NRP2: variants seen among roughly 807,000 people sequenced by gnomAD.
NRP2 encodes the protein neuropilin 2.
In NRP2, 52 loss-of-function variants were observed where a neutral mutation model predicts 110.4. That is an observed-to-expected ratio of 0.47 (90% CI 0.38 to 0.59). The LOEUF is 0.59. Among genes scored for constraint, NRP2 ranks in the 20% least tolerant of loss-of-function variants. The probability of loss-of-function intolerance (pLI) is 0.00; values close to 1 mark genes in which losing one functional copy is unlikely to be tolerated. For synonymous variants in NRP2, 508 were observed against 468.9 expected, an observed-to-expected ratio of 1.08 and a Z score of -1.08; for missense variants, 1,049 against 1,203.0, an observed-to-expected ratio of 0.87 and a Z score of 1.89.
intron 7 of NRP2, among the ~76,000 whole-genome samples, chr2:205,734,728 T>C (rs543089493): frequency 2.6e-5 from 4 of 152,280 alleles, no homozygotes; most frequent in South Asian, 2.1e-4. Context: ...CTGTGCCAAG[T>C]ACATTGAAAG....
At chr2:205,742,606 A>T (rs2057463004) in intron 8 of NRP2, among the ~76,000 whole-genome samples, 1 of 152,240 alleles carries the variant, frequency 6.6e-6, no homozygotes, top group East Asian at 1.9e-4. Context: ...GATCCAAGGC[A>T]GTAAAGAGCA....
In NRP2 at chr2:205,683,375, A is replaced by C; in HGVS notation, c.73+12A>C. 6.2e-7 allele frequency: 1 copy of C among 1,604,838 alleles called. No individual in the cohort carries two copies. Among genetic ancestry groups the C allele is most frequent in the Non-Finnish European group, 8.5e-7 (1 of 1,171,600 alleles). ...GAGAGGCCAACCAGGTAAGCCACTG[A>C]AAGTTTTTCTATTTATTGCAACATG... On this transcript the variant is annotated intron_variant, in intron 1 of 16. Coordinates refer to ENST00000357785, the MANE Select transcript of NRP2 (RefSeq NM_003872.3).
intron 3 of NRP2, among the ~76,000 whole-genome samples, chr2:205,719,046 G>A (rs535577159): frequency 6.6e-6 from 1 of 152,066 alleles, no homozygotes; most frequent in Non-Finnish European, 1.5e-5. Flanking sequence ...CAGGTGCCTT[G>A]TCCTATACCC....
intron 15 of NRP2, among the ~76,000 whole-genome samples, chr2:205,770,676 C>T (rs144688504): frequency 5.3e-4 from 80 of 152,322 alleles, no homozygotes; most frequent in African/African-American, 1.9e-3. Flanking sequence ...TGCTTTTGCA[C>T]ATAACCGTCT....
In NRP2 at chr2:205,767,926, C is replaced by T. The variant is rs148728448; in HGVS notation, c.2425+1123C>T. On this transcript the variant is annotated intron_variant, in intron 15 of 16. Transcript: ENST00000357785. The stretch of plus-strand genomic sequence containing the variant: ...TAAGGGCAGCCATTTTTATATCTGC[C>T]GTCTAGACTCGTTATCTTCACTCTC... 275 of 152,928 alleles carry T rather than the reference C, an allele frequency of 1.8e-3. 3 individuals carry two copies. The South Asian group carries it at 0.021, about 11-fold the overall frequency. 9.5% of individuals were successfully genotyped at this position (152,928 alleles called of 1,614,324 possible). A position where few individuals can be genotyped will look rare whatever the true frequency, so the allele number is the denominator to read the frequency against.
intron 10 of NRP2, 81 bp from the exon 11 acceptor site, chr2:205,749,644 G>A: frequency 9.2e-7 from 1 of 1,087,184 alleles, no homozygotes; most frequent in Admixed American, 1.7e-5. Context: ...CCCTTCTCTA[G>A]AGATGTTTGG....
chr2:205,697,463 T>C, intron 1 of NRP2, 81 bp from the exon 2 acceptor site: 1 of 1,262,882 alleles, frequency 7.9e-7, no homozygotes. Flanking sequence ...CAGACACTGG[T>C]ACAGAAGAGA....
At position 205,714,677 on chromosome 2, in the gene NRP2, C is replaced by T. The variant is rs1337117048; in HGVS notation, c.252-1516C>T. On this transcript the variant is annotated intron_variant, in intron 2 of 16. Transcript: ENST00000357785. Reference sequence around the variant, plus strand: ...TCTGTGACCATCTCTCCATTTCTCCCTGGGGGTTGAAACTGCCATTTTGAC... The same window carrying T: ...TCTGTGACCATCTCTCCATTTCTCCTTGGGGGTTGAAACTGCCATTTTGAC... 2.0e-5 allele frequency among the ~76,000 whole-genome samples: 3 copies of T among 151,652 alleles called. No individual in the cohort carries two copies. In the East Asian group the frequency reaches 5.8e-4, roughly 29 times the overall value.
At chr2:205,723,045 C>A (rs985089959) in intron 4 of NRP2, among the ~76,000 whole-genome samples, 1 of 152,228 alleles carries the variant, frequency 6.6e-6, no homozygotes, top group African/African-American at 2.4e-5. Flanking sequence ...GACTCCAGAG[C>A]CAGACTGGCC....
At chr2:205,733,500 T>C (rs1478265347) in intron 7 of NRP2, among the ~76,000 whole-genome samples, 5 of 152,168 alleles carry the variant, frequency 3.3e-5, no homozygotes, top group Non-Finnish European at 7.4e-5. Flanking sequence ...GATGTCACCT[T>C]GTCCCTGCTC....
intron 15 of NRP2, among the ~76,000 whole-genome samples, chr2:205,774,179 T>G (rs555036019): frequency 8.5e-5 from 13 of 152,338 alleles, no homozygotes; most frequent in Admixed American, 7.8e-4. Flanking sequence ...CTTGGTGACC[T>G]GAATAATGAA....
intron 5 of NRP2, among the ~76,000 whole-genome samples, chr2:205,724,267 A>G (rs1346567072): frequency 1.3e-5 from 2 of 152,336 alleles, no homozygotes; most frequent in African/African-American, 4.8e-5. Flanking sequence ...GATGATCTAT[A>G]CAGGGCCCCT....
Position 205,763,552 on chromosome 2 carries a change from A to C in NRP2, c.2045-122A>C. 8.0e-7 allele frequency: 1 copy of C among 1,255,560 alleles called. No individual in the cohort carries two copies. Among genetic ancestry groups the C allele is most frequent in the South Asian group, 1.2e-5 (1 of 82,802 alleles). The allele number at this position is 1,255,560 out of a possible 1,614,324, so 77.8% of individuals were successfully genotyped here. A position where few individuals can be genotyped will look rare whatever the true frequency, so the allele number is the denominator to read the frequency against. Reference sequence around the variant, plus strand: ...GGGTCACAGAGCCTGGAGAACAAGGACATGAATAAACCAAAGACACCGAAA... The same window carrying C: ...GGGTCACAGAGCCTGGAGAACAAGGCCATGAATAAACCAAAGACACCGAAA... On this transcript the variant is annotated intron_variant, in intron 12 of 16. Coordinates refer to ENST00000357785, the MANE Select transcript of NRP2 (RefSeq NM_003872.3). This position sits in a 1 kb window ranked among gnomAD's most constrained non-coding sequence, Gnocchi z 4.0.
chr2:205,718,886 G>A (rs2056955253), intron 3 of NRP2, among the ~76,000 whole-genome samples: 1 of 150,896 alleles, frequency 6.6e-6, no homozygotes, highest in Non-Finnish European at 1.5e-5. Context: ...AGGTGGCAGT[G>A]AGCCGAGATC....
chr2:205,784,001 GAC>G (rs56303275), intron 15 of NRP2, among the ~76,000 whole-genome samples: 1 of 148,750 alleles, frequency 6.7e-6, no homozygotes, highest in African/African-American at 2.5e-5. Flanking sequence ...ATCTCTCTCT[GAC>G]ACACACACAC....
intron 1 of NRP2, among the ~76,000 whole-genome samples, chr2:205,687,048 G>T (rs1267108314): frequency 2.6e-5 from 4 of 152,136 alleles, no homozygotes; most frequent in Non-Finnish European, 5.9e-5. Flanking sequence ...GGGGCCAAAA[G>T]AACCCAGACC....
intron 15 of NRP2, among the ~76,000 whole-genome samples, chr2:205,786,791 C>T (rs989495125): frequency 6.6e-6 from 1 of 152,206 alleles, no homozygotes; most frequent in Non-Finnish European, 1.5e-5. Flanking sequence ...TCCTCAGTCA[C>T]CAATTAGCAG....
rs775527944 is a variant in NRP2 at position 205,745,860 on chromosome 2, C to A, written c.1756C>A (p.Arg586=). 9.3e-6 allele frequency: 15 copies of A among 1,614,026 alleles called. No homozygotes were observed. Among genetic ancestry groups the A allele is most frequent in the Non-Finnish European group, 1.3e-5 (15 of 1,180,006 alleles). ...ERWSPAGIGM[R]LEVLGCDWTD... is the part of the protein sequence containing the mutation. Reference sequence around the variant, plus strand: ...GTGGTCGCCGGCGGGGATTGGGATGCGGCTGGAGGTGCTGGGCTGTGACTG... The same window carrying A: ...GTGGTCGCCGGCGGGGATTGGGATGAGGCTGGAGGTGCTGGGCTGTGACTG... Residue 586 remains arginine (R), a synonymous_variant, in exon 10 of 17, where the codon CGG becomes AGG. Coordinates refer to ENST00000357785, the MANE Select transcript of NRP2 (RefSeq NM_003872.3).
chr2:205,721,585 C>T (rs1031669613), intron 3 of NRP2, among the ~76,000 whole-genome samples: 6 of 152,134 alleles, frequency 3.9e-5, no homozygotes, highest in African/African-American at 1.4e-4. Flanking sequence ...CTGTAATCCT[C>T]TTATGAGCTC....
Sources: allele counts gnomAD v4.1 joint callset (sites outside exome capture counted in the v4.1 genomes callset), GRCh38; gene constraint gnomAD v4.1.1; non-coding constraint Gnocchi (gnomAD v3.1); transcripts MANE v1.5; gene names NCBI Gene and HGNC (gene_info 2026-07-23, HGNC 2026-07-21).